MAT2B: variants seen among roughly 807,000 people sequenced by gnomAD.
The protein encoded by MAT2B is methionine adenosyltransferase 2 non-catalytic beta subunit.
In MAT2B, 16 loss-of-function variants were observed where a neutral mutation model predicts 36.1. The ratio of observed to expected loss-of-function variants is 0.44; its 90% CI spans 0.30 to 0.67. MAT2B has a LOEUF of 0.67. Among genes scored for constraint, MAT2B ranks in the 30% least tolerant of loss-of-function variants. The pLI is 0.09. For missense variants in MAT2B, 332 were observed against 398.2 expected, an observed-to-expected ratio of 0.83 and a Z score of 1.42; for synonymous variants, 148 against 136.9, an observed-to-expected ratio of 1.08 and a Z score of -0.57.
At position 163,517,654 on chromosome 5, in the gene MAT2B, C is replaced by A. The variant is rs77428501; in HGVS notation, c.814C>A (p.Pro272Thr). ...TGCAATTGCAGATGCCTTCAACCTC[C>A]CCAGCAGTCACTTAAGACCTGTAAG... The part of the protein sequence containing the change: ...ACAIADAFNL[P>T]SSHLRPITDS... Residue 272 changes from proline to threonine, a missense_variant, in exon 6 of 7, where the codon CCC becomes ACC. By Grantham distance (38) the Pro-to-Thr change is conservative. Coordinates refer to ENST00000321757, the MANE Select transcript of MAT2B (RefSeq NM_013283.5). 3 of 1,612,464 alleles carry A rather than the reference C, an allele frequency of 1.9e-6. No individual in the cohort carries two copies. The highest frequency in any genetic ancestry group is 1.3e-5 in the African/African-American group (1 of 74,982).
intron 4 of MAT2B, among the ~76,000 whole-genome samples, chr5:163,515,807 C>G (rs1326749715): frequency 2.2e-5 from 2 of 90,166 alleles, no homozygotes; most frequent in African/African-American, 9.1e-5. Context: ...GAGACAGGGT[C>G]TCAGTCGCCT....
upstream of MAT2B, chr5:163,503,506 C>A: frequency 7.9e-7 from 1 of 1,267,324 alleles, no homozygotes; most frequent in Non-Finnish European, 1.2e-6. Context: ...CTGCTAAAAC[C>A]AGAATTGTTG....
Position 163,519,049 on chromosome 5 carries a change from C to T in MAT2B, c.*686C>T, listed in dbSNP as rs1033290713. ...AACTGTCCTTTTCATCCCATGTTGCCGCTAAGTGATATTTCATATGTGTGG... is the reference window on the plus strand; with the variant it reads ...AACTGTCCTTTTCATCCCATGTTGCTGCTAAGTGATATTTCATATGTGTGG... On this transcript the variant is annotated 3_prime_UTR_variant, in exon 7 of 7. Transcript: ENST00000321757. 9.9e-5 allele frequency: 15 copies of T among 152,074 alleles called. No homozygotes were observed. The highest frequency in any genetic ancestry group is 5.8e-4 in the East Asian group (3 of 5,190). The allele number at this position is 152,074 out of a possible 1,614,324, so 9.4% of individuals were successfully genotyped here. A position where few individuals can be genotyped will look rare whatever the true frequency, so the allele number is the denominator to read the frequency against.
At chr5:163,504,032 T>C (rs566695458), upstream of MAT2B, among the ~76,000 whole-genome samples, 1 of 152,372 alleles carries the variant, frequency 6.6e-6, no homozygotes, top group Admixed American at 6.5e-5. Context: ...TAGGCTGCTC[T>C]GAGAATCAGA....
intron 6 of MAT2B, 71 bp downstream of exon 6, chr5:163,517,745 C>T (rs922259121): frequency 1.7e-5 from 16 of 926,430 alleles, no homozygotes; most frequent in Middle Eastern, 2.1e-4. Flanking sequence ...TGGGTAACTT[C>T]ATTTCTCAGT....
chr5:163,517,449 G>C, intron 5 of MAT2B, 112 bp from the exon 6 acceptor site: 1 of 557,338 alleles, frequency 1.8e-6, no homozygotes, highest in Non-Finnish European at 3.3e-6. Context: ...TCCAGAAAAA[G>C]AGGGTTGCCT....
Position 163,505,657 on chromosome 5 carries a change from C to A in MAT2B, c.-30C>A, listed in dbSNP as rs200516708. ...ATCCTGGGTTGGAGGAGGTGGCGGC[C>A]GCTGAGGCTGCGGCGTGAAGACGGC... On this transcript the variant is annotated 5_prime_UTR_variant, in exon 1 of 7. Transcript: ENST00000321757. 29 of 1,268,254 alleles carry A rather than the reference C, an allele frequency of 2.3e-5. No homozygotes were observed. Among genetic ancestry groups the A allele is most frequent in the Admixed American group, 3.9e-5 (1 of 25,394 alleles). 78.6% of individuals were successfully genotyped at this position (1,268,254 alleles called of 1,614,324 possible).
chr5:163,505,700 A>C lies in MAT2B; in HGVS notation c.14A>C (p.Glu5Ala), dbSNP rs1421053124. MVGR[E>A]KELSIHFVPG... ...AAGACGGCGGGCATGGTGGGGCGGG[A>C]GAAAGAGCTCTCTATACACTTTGTT... Residue 5 changes from glutamate to alanine, a missense_variant, in exon 1 of 7, where the codon GAG becomes GCG. Coordinates refer to ENST00000321757, the MANE Select transcript of MAT2B (RefSeq NM_013283.5). 1.6e-6 allele frequency: 2 copies of C among 1,281,084 alleles called. No homozygotes were observed. The highest frequency in any genetic ancestry group is 2.0e-6 in the Non-Finnish European group (2 of 1,006,748). 79.4% of individuals were successfully genotyped at this position (1,281,084 alleles called of 1,614,324 possible).
chr5:163,511,950 A>G, intron 1 of MAT2B, 52 bp from the exon 2 acceptor site: 1 of 1,352,236 alleles, frequency 7.4e-7, no homozygotes, highest in Non-Finnish European at 1.0e-6. Context: ...AATATATTTG[A>G]GAGAACTGTT....
At chr5:163,504,308 G>C (rs970096385), upstream of MAT2B, among the ~76,000 whole-genome samples, 5 of 139,092 alleles carry the variant, frequency 3.6e-5, no homozygotes, top group African/African-American at 1.3e-4. Context: ...CCAAACTAAT[G>C]AACAGTAATA....
intron 2 of MAT2B, chr5:163,512,504 G>A (rs1311639705): frequency 4.8e-6 from 2 of 414,442 alleles, no homozygotes; most frequent in East Asian, 5.7e-5. Flanking sequence ...CTGCAAAATA[G>A]TTATTTTCAT....
chr5:163,509,728 G>C (rs889388130), intron 1 of MAT2B, among the ~76,000 whole-genome samples: 1 of 152,136 alleles, frequency 6.6e-6, no homozygotes, highest in Non-Finnish European at 1.5e-5. Context: ...ATCTGTACTA[G>C]ACTTGGCATG....
chr5:163,508,704 G>A (rs1024041267), intron 1 of MAT2B, among the ~76,000 whole-genome samples: 1 of 151,318 alleles, frequency 6.6e-6, no homozygotes, highest in East Asian at 1.9e-4. Flanking sequence ...TACGACCTCC[G>A]CCTCCTGGGT....
upstream of MAT2B, among the ~76,000 whole-genome samples, chr5:163,504,446 G>C (rs987723205): frequency 3.3e-5 from 5 of 152,206 alleles, no homozygotes; most frequent in Admixed American, 1.3e-4. Context: ...GAGGAGGAAG[G>C]AAAGTCATGG....
At position 163,505,690 on chromosome 5, in the gene MAT2B, G is replaced by C. The variant is rs1434486142; in HGVS notation, c.4G>C (p.Val2Leu). The part of the protein sequence containing the change: M[V>L]GREKELSIHF... ...CTGCGGCGTGAAGACGGCGGGCATG[G>C]TGGGGCGGGAGAAAGAGCTCTCTAT... Residue 2 changes from valine to leucine, a missense_variant, in exon 1 of 7, where the codon GTG (valine) becomes CTG (leucine). Transcript: ENST00000321757. 1.6e-6 allele frequency: 2 copies of C among 1,284,096 alleles called. No homozygotes were observed. Among genetic ancestry groups the C allele is most frequent in the African/African-American group, 3.0e-5 (2 of 65,782 alleles). 79.5% of individuals were successfully genotyped at this position (1,284,096 alleles called of 1,614,324 possible). A position where few individuals can be genotyped will look rare whatever the true frequency, so the allele number is the denominator to read the frequency against.
upstream of MAT2B, among the ~76,000 whole-genome samples, chr5:163,504,575 GGAC>G (rs1227344878): frequency 1.3e-5 from 2 of 152,234 alleles, no homozygotes; most frequent in Non-Finnish European, 2.9e-5. Context: ...TCACGTTTGT[GGAC>G]GACGTTTAGA....
intron 1 of MAT2B, 84 bp downstream of exon 1, chr5:163,505,833 C>A: frequency 3.7e-6 from 4 of 1,091,724 alleles, no homozygotes; most frequent in Non-Finnish European, 4.7e-6. Flanking sequence ...GCTTTGCAGG[C>A]GTATTCCGCC....
intron 2 of MAT2B, chr5:163,512,650 G>A (rs1760064090): frequency 2.3e-6 from 1 of 442,514 alleles, no homozygotes; most frequent in Non-Finnish European, 4.5e-6. Flanking sequence ...CAAATTGGGG[G>A]ATAAAACTTG....
At chr5:163,505,440 T>G, upstream of MAT2B, 6 of 963,766 alleles carry the variant, frequency 6.2e-6, no homozygotes, top group African/African-American at 1.7e-5. Context: ...GGGCCTTTCT[T>G]TTGTGTGTCG....
Sources: allele counts gnomAD v4.1 joint callset (sites outside exome capture counted in the v4.1 genomes callset), GRCh38; gene constraint gnomAD v4.1.1; transcripts MANE v1.5; gene names NCBI Gene and HGNC (gene_info 2026-07-23, HGNC 2026-07-21).